DMD: variants seen among roughly 807,000 people sequenced by gnomAD.
The protein encoded by DMD is mutant dystrophin.
DMD carries 63 observed loss-of-function variants against 330.1 expected under a neutral mutation model. The observed-to-expected ratio is 0.19, with a 90% CI of 0.16 to 0.24. The LOEUF is 0.24. DMD is among the 10% of genes least tolerant of loss of function. The pLI is 1.00. For synonymous variants in DMD, 1,223 were observed against 959.8 expected (o/e 1.27, Z -5.07); for missense variants, 3,344 against 2,684.1 (o/e 1.25, Z -5.43).
intron 37 of DMD, 44 bp downstream of exon 37, chrX:32,362,744 A>G (rs758301272): frequency 4.2e-6 from 5 of 1,199,513 alleles, no homozygotes; most frequent in South Asian, 3.5e-5. Context: ...CCTTCGCAAG[A>G]GACCATTTAG....
rs910088514 is a variant in DMD, at chrX:33,089,088, C to T, written c.32-68888G>A. ...CATTTTTTTTTTTTTTTTTTTGAGA[C>T]AGAGTCTTGCTCTGTCACCCAGGCT... On this transcript the variant is annotated intron_variant, in intron 1 of 78. Coordinates refer to ENST00000357033, the MANE Select transcript of DMD (RefSeq NM_004006.3). Among the ~76,000 whole-genome samples, 3 of 83,923 alleles carry T rather than the reference C, an allele frequency of 3.6e-5. No homozygotes were observed. In the Admixed American group the frequency reaches 4.3e-4, roughly 12 times the overall value. 72.9% of individuals were successfully genotyped at this position (83,923 alleles called of 115,157 possible).
At chrX:32,182,603 G>T (rs899433459) in intron 44 of DMD, among the ~76,000 whole-genome samples, 3 of 111,361 alleles carry the variant, frequency 2.7e-5, no homozygotes, top group Non-Finnish European at 5.7e-5. Flanking sequence ...ATATATATGT[G>T]TGTGCGTGTT....
intron 2 of DMD, among the ~76,000 whole-genome samples, chrX:32,939,811 TA>T (rs772261370): frequency 1.8e-3 from 193 of 108,878 alleles, no homozygotes; most frequent in African/African-American, 6.0e-3. Flanking sequence ...ATAATAGCCA[TA>T]AAAAATAAAA....
intron 2 of DMD, among the ~76,000 whole-genome samples, chrX:32,950,030 G>A (rs1320093606): frequency 1.4e-5 from 1 of 71,937 alleles, no homozygotes; most frequent in Non-Finnish European, 2.7e-5. Context: ...ATTGCTAGTA[G>A]AACGGTGGTG....
At chrX:32,724,644 C>A (rs1337396291) in intron 7 of DMD, among the ~76,000 whole-genome samples, 1 of 111,509 alleles carries the variant, frequency 9.0e-6, no homozygotes, top group Non-Finnish European at 1.9e-5. Flanking sequence ...TATCCCATGG[C>A]ACTTAAAATC....
At chrX:33,087,401 T>A (rs940746919) in intron 1 of DMD, among the ~76,000 whole-genome samples, 1 of 112,190 alleles carries the variant, frequency 8.9e-6, no homozygotes, top group Non-Finnish European at 1.9e-5. Flanking sequence ...TGTGAGAACT[T>A]AAAATACATA....
At chrX:31,935,466 G>A (rs780752290) in intron 45 of DMD, among the ~76,000 whole-genome samples, 39 of 111,656 alleles carry the variant, frequency 3.5e-4, no homozygotes, top group African/African-American at 1.3e-3. Context: ...AGAATCAATT[G>A]TGGAAGAAGA....
chrX:31,673,388 G>A (rs920081968), intron 53 of DMD, among the ~76,000 whole-genome samples: 4 of 111,756 alleles, frequency 3.6e-5, no homozygotes, highest in East Asian at 2.8e-4. Context: ...TGAAGTGGGC[G>A]GAACACTCGA....
At chrX:31,321,267 C>A (rs2056391624) in intron 62 of DMD, among the ~76,000 whole-genome samples, 1 of 110,913 alleles carries the variant, frequency 9.0e-6, no homozygotes, top group African/African-American at 3.3e-5. Flanking sequence ...ATCATCTAGT[C>A]CAACTCTTTA....
intron 6 of DMD, among the ~76,000 whole-genome samples, chrX:32,815,526 C>T (rs868091972): frequency 2.2e-5 from 2 of 92,318 alleles, no homozygotes; most frequent in African/African-American, 4.7e-5. Flanking sequence ...TATATACACA[C>T]ACACACACAC....
chrX:32,380,712 T>C lies in DMD; in HGVS notation c.4675-32A>G, dbSNP rs1049895287. Reference sequence around the variant, plus strand: ...AGAATTATAATGAAATGTAATTTAGTTTACTCTTTAATTCAAATTTCGTTA... The same window carrying C: ...AGAATTATAATGAAATGTAATTTAGCTTACTCTTTAATTCAAATTTCGTTA... On this transcript the variant is annotated intron_variant, in intron 33 of 78. Coordinates refer to ENST00000357033, the MANE Select transcript of DMD (RefSeq NM_004006.3). 4 of 1,158,769 alleles carry C rather than the reference T, an allele frequency of 3.5e-6. No individual in the cohort carries two copies. The African/African-American group carries it at 7.1e-5, about 20-fold the overall frequency.
At chrX:32,603,994 T>G (rs1393982304) in intron 12 of DMD, among the ~76,000 whole-genome samples, 1 of 111,122 alleles carries the variant, frequency 9.0e-6, no homozygotes, top group East Asian at 2.8e-4. Context: ...CCCTAATTAA[T>G]TCTACGAAGC....
At chrX:33,283,949 C>G (rs1338995179) in intron 1 of DMD, among the ~76,000 whole-genome samples, 1 of 109,505 alleles carries the variant, frequency 9.1e-6, no homozygotes, top group African/African-American at 3.3e-5. Context: ...ACCCGGGAGG[C>G]GGAGGTTGCA....
intron 16 of DMD, among the ~76,000 whole-genome samples, chrX:32,564,594 A>G (rs922927482): frequency 1.8e-5 from 2 of 112,463 alleles, no homozygotes; most frequent in African/African-American, 6.5e-5. Flanking sequence ...AGTTTTTATT[A>G]TGTAATGATT....
chrX:33,201,587 A>G (rs2051276017), intron 1 of DMD, among the ~76,000 whole-genome samples: 1 of 111,730 alleles, frequency 9.0e-6, no homozygotes, highest in Non-Finnish European at 1.9e-5. Context: ...TGTACACTAT[A>G]TGAATGTATG....
At chrX:32,285,906 G>T (rs1264373915) in intron 43 of DMD, among the ~76,000 whole-genome samples, 3 of 110,596 alleles carry the variant, frequency 2.7e-5, no homozygotes, top group Non-Finnish European at 5.7e-5. Flanking sequence ...CACCATGTTG[G>T]CCAGGCTGGT....
intron 32 of DMD, among the ~76,000 whole-genome samples, chrX:32,386,791 C>T (rs1286302516): frequency 9.1e-6 from 1 of 109,633 alleles, no homozygotes; most frequent in Non-Finnish European, 1.9e-5. Context: ...TTTTACATGA[C>T]TTCTATTTTA....
At chrX:31,152,199 T>TTTTTTTG (rs2037507762) in intron 74 of DMD, among the ~76,000 whole-genome samples, 1 of 109,671 alleles carries the variant, frequency 9.1e-6, no homozygotes, top group African/African-American at 3.4e-5. Context: ...TTTTTTTTTT[T>TTTTTTTG]GAGATGGAGG....
At chrX:32,572,881 G>T (rs1303751552) in intron 15 of DMD, among the ~76,000 whole-genome samples, 2 of 110,838 alleles carry the variant, frequency 1.8e-5, no homozygotes, top group African/African-American at 6.6e-5. Context: ...CATTCAGTTA[G>T]TTCACATGAA....
Sources: allele counts gnomAD v4.1 joint callset (sites outside exome capture counted in the v4.1 genomes callset), GRCh38; gene constraint gnomAD v4.1.1; transcripts MANE v1.5; gene names NCBI Gene and HGNC (gene_info 2026-07-23, HGNC 2026-07-21).